The following TMEM132E variants were observed in gnomAD, a reference collection of about 807,000 sequenced individuals.
TMEM132E encodes transmembrane protein 132E.
A neutral mutation model predicts 78.5 loss-of-function variants in TMEM132E; 49 were observed. The observed-to-expected ratio is 0.62, with a 90% CI of 0.50 to 0.79. The LOEUF is 0.79. Ranked by LOEUF, TMEM132E falls within the 30% of genes least tolerant of loss-of-function variation. TMEM132E has a pLI of 0.00. For synonymous variants in TMEM132E, 715 were observed against 670.6 expected (o/e 1.07, Z -1.02); for missense variants, 1,403 against 1,470.9 (o/e 0.95, Z 0.75).
At chr17:34,604,376 C>A (rs563929686) in intron 1 of TMEM132E, among the ~76,000 whole-genome samples, 1 of 152,168 alleles carries the variant, frequency 6.6e-6, no homozygotes, top group African/African-American at 2.4e-5. Context: ...CCAAGAGAGC[C>A]CTTCCCAAAA....
intron 1 of TMEM132E, among the ~76,000 whole-genome samples, chr17:34,625,569 G>A (rs1194017389): frequency 1.3e-5 from 2 of 152,178 alleles, no homozygotes; most frequent in East Asian, 3.8e-4. Flanking sequence ...GGAAGTTACT[G>A]ATAGAAAACT....
At chr17:34,593,421 C>G (rs1280988879) in intron 1 of TMEM132E, among the ~76,000 whole-genome samples, 1 of 152,226 alleles carries the variant, frequency 6.6e-6, no homozygotes, top group East Asian at 1.9e-4. Context: ...TGCTCCACAG[C>G]CACATGTGGT....
chr17:34,629,031 G>C lies in TMEM132E; in HGVS notation c.1165G>C (p.Glu389Gln). Residue 389 changes from glutamate to glutamine, a missense_variant, in exon 4 of 9, where the codon GAG becomes CAG. Coordinates refer to ENST00000631683, the MANE Select transcript of TMEM132E (RefSeq NM_001304438.2). ...TGGCAGGGAGGGCCAGGGCCCCTTG[G>C]AGATCTTGCAGCTGGACTTTGAAAT... ...LPPREGQGPL[E>Q]ILQLDFEMEN... 1 of 1,574,852 alleles carries C rather than the reference G, an allele frequency of 6.3e-7. No homozygotes were observed. Among genetic ancestry groups the C allele is most frequent in the Non-Finnish European group, 8.6e-7 (1 of 1,157,216 alleles).
At chr17:34,627,467 C>CGTGT (rs145658598) in intron 2 of TMEM132E, among the ~76,000 whole-genome samples, 2,859 of 126,510 alleles carry the variant, frequency 0.023, 47 homozygotes, top group Middle Eastern at 0.029. Context: ...CCAAAAGAAT[C>CGTGT]GTGTGTGTGT....
intron 1 of TMEM132E, among the ~76,000 whole-genome samples, chr17:34,616,313 G>A (rs1039296251): frequency 1.3e-5 from 2 of 152,194 alleles, no homozygotes; most frequent in African/African-American, 2.4e-5. Flanking sequence ...GCATGGGGGT[G>A]GGGTGGATAA....
At chr17:34,600,791 G>T (rs1906215512) in intron 1 of TMEM132E, among the ~76,000 whole-genome samples, 1 of 152,156 alleles carries the variant, frequency 6.6e-6, no homozygotes, top group South Asian at 2.1e-4. Flanking sequence ...TCCGAGGTGT[G>T]CAAGAGCAAC....
At chr17:34,581,266 C>T (rs888828599) in intron 1 of TMEM132E, 123 bp downstream of exon 1, 13 of 937,926 alleles carry the variant, frequency 1.4e-5, no homozygotes, top group Non-Finnish European at 1.8e-5. Context: ...CCGGGTTTGG[C>T]GTCTCTGGCT....
intron 1 of TMEM132E, among the ~76,000 whole-genome samples, chr17:34,584,726 ACAGG>A (rs1247654756): frequency 6.6e-6 from 1 of 152,174 alleles, no homozygotes; most frequent in East Asian, 1.9e-4. Context: ...AGGGGAGGAG[ACAGG>A]CAGAGATACC....
rs538438878 is a variant in TMEM132E, at chr17:34,629,925, C to T, written c.1339-83C>T. The T allele has an allele frequency of 2.7e-4, 379 of 1,387,342 alleles. 1 individual carries two copies. The highest frequency in any genetic ancestry group is 2.4e-3 in the African/African-American group (161 of 68,466). 85.9% of individuals were successfully genotyped at this position (1,387,342 alleles called of 1,614,324 possible). On this transcript the variant is annotated intron_variant, in intron 4 of 8. Transcript: ENST00000631683. Reference sequence around the variant, plus strand: ...GTGCATCTGAGGAGTGGGGGGGGAGCGTCCAGGAGCTGGGGCCTTGGCTAG... The same window carrying T: ...GTGCATCTGAGGAGTGGGGGGGGAGTGTCCAGGAGCTGGGGCCTTGGCTAG...
chr17:34,602,863 G>A (rs1906286158), intron 1 of TMEM132E, among the ~76,000 whole-genome samples: 1 of 152,236 alleles, frequency 6.6e-6, no homozygotes, highest in Non-Finnish European at 1.5e-5. Context: ...GGCGCCAAGG[G>A]CAGAAGCTGG....
At chr17:34,588,945 G>T (rs1397755460) in intron 1 of TMEM132E, among the ~76,000 whole-genome samples, 1 of 152,130 alleles carries the variant, frequency 6.6e-6, no homozygotes, top group Non-Finnish European at 1.5e-5. Context: ...GTAGAGATGG[G>T]GTTTCACCAT....
At chr17:34,591,089 C>T (rs992728269) in intron 1 of TMEM132E, among the ~76,000 whole-genome samples, 11 of 152,096 alleles carry the variant, frequency 7.2e-5, no homozygotes, top group African/African-American at 2.2e-4. Flanking sequence ...GACTGGATGG[C>T]AAATTGAAGG....
intron 1 of TMEM132E, among the ~76,000 whole-genome samples, chr17:34,600,426 A>AGTGTGT (rs3220449): frequency 0.17 from 24,641 of 143,872 alleles, 2,276 homozygotes; most frequent in East Asian, 0.35. Context: ...AGCGTATATG[A>AGTGTGT]GTGTGTGTGT....
rs72817888 is a variant in TMEM132E, at chr17:34,604,209, G to C, written c.68-21918G>C. The stretch of plus-strand genomic sequence containing the variant: ...GATAACAGTGGGGCTGGGACCAAGT[G>C]CAGGCAGAGTCTGAGCTCTTCAGAA... On this transcript the variant is annotated intron_variant, in intron 1 of 8. Transcript: ENST00000631683. Among the ~76,000 whole-genome samples, 471 of 152,276 alleles carry C rather than the reference G, an allele frequency of 3.1e-3. 1 individual carries two copies. Among genetic ancestry groups the C allele is most frequent in the Non-Finnish European group, 5.1e-3 (350 of 68,014 alleles).
chr17:34,626,101 G>T, intron 1 of TMEM132E, 26 bp from the exon 2 acceptor site: 1 of 1,479,146 alleles, frequency 6.8e-7, no homozygotes, highest in South Asian at 1.4e-5. Flanking sequence ...GACCACCCTG[G>T]GCCTCTTTCC....
In TMEM132E at chr17:34,580,760, C is replaced by T. The variant is rs1905438829; in HGVS notation, c.-317C>T. ...TGGGCTCTAGGTAGCCCCCGGGACG[C>T]CCGCGGCCACCGGGCTCCGGACTGC... On this transcript the variant is annotated 5_prime_UTR_variant, in exon 1 of 9. Coordinates refer to ENST00000631683, the MANE Select transcript of TMEM132E (RefSeq NM_001304438.2). 3.2e-6 allele frequency: 1 copy of T among 311,290 alleles called. No individual in the cohort carries two copies. The highest frequency in any genetic ancestry group is 5.9e-6 in the Non-Finnish European group (1 of 169,084). The allele number at this position is 311,290 out of a possible 1,614,324, so 19.3% of individuals were successfully genotyped here. A position where few individuals can be genotyped will look rare whatever the true frequency, so the allele number is the denominator to read the frequency against.
chr17:34,589,018 T>C (rs1339593715), intron 1 of TMEM132E, among the ~76,000 whole-genome samples: 1 of 152,176 alleles, frequency 6.6e-6, no homozygotes, highest in African/African-American at 2.4e-5. Context: ...CCTCCCAAAG[T>C]GCTGGGATTA....
Position 34,628,638 on chromosome 17 carries a change from G to C in TMEM132E, c.1074G>C (p.Leu358=). Reference sequence around the variant, plus strand: ...GCCAGTGGCATGTGACCTCGGAGCTGCTGACTGGGGCAAAGCACTCAACAG... The same window carrying C: ...GCCAGTGGCATGTGACCTCGGAGCTCCTGACTGGGGCAAAGCACTCAACAG... ...RSGQWHVTSE[L]LTGAKHSTAT... Residue 358 remains leucine, a synonymous_variant, in exon 3 of 9, where the codon CTG becomes CTC. Transcript: ENST00000631683. 6.2e-7 allele frequency: 1 copy of C among 1,613,578 alleles called. No homozygotes were observed. The highest frequency in any genetic ancestry group is 8.5e-7 in the Non-Finnish European group (1 of 1,179,782).
chr17:34,589,816 C>T (rs765577682), intron 1 of TMEM132E, among the ~76,000 whole-genome samples: 41 of 152,192 alleles, frequency 2.7e-4, no homozygotes, highest in Non-Finnish European at 5.4e-4. Context: ...CCCAGGATGA[C>T]CACATTGTCC....
Sources: gnomAD v4.1 joint callset for allele counts (sites outside exome capture counted in the v4.1 genomes callset) on GRCh38, gnomAD v4.1.1 for gene constraint, MANE v1.5 for transcripts, NCBI Gene and HGNC (gene_info 2026-07-23, HGNC 2026-07-21) for gene names.